RGS9: variants seen among roughly 807,000 people sequenced by gnomAD.
RGS9 encodes the protein regulator of G-protein signalling 9.
In RGS9, 78 loss-of-function variants were observed where a neutral mutation model predicts 102.0. That is an observed-to-expected ratio of 0.76 (90% CI 0.64 to 0.92). RGS9 has a LOEUF of 0.92. RGS9 is among the 40% of genes least tolerant of loss of function. The probability of loss-of-function intolerance (pLI) is 0.00; values close to 1 mark genes in which losing one functional copy is unlikely to be tolerated. For missense variants in RGS9, 833 were observed against 866.1 expected (o/e 0.96, Z 0.48); for synonymous variants, 353 against 318.6 (o/e 1.11, Z -1.15).
intron 13 of RGS9, among the ~76,000 whole-genome samples, chr17:65,201,530 C>A (rs1023054033): frequency 2.4e-4 from 37 of 152,178 alleles, no homozygotes; most frequent in Admixed American, 2.3e-3. Context: ...TGTAGAAAAC[C>A]GTAGCGTAGC....
At chr17:65,146,231 T>C (rs1374295030) in intron 1 of RGS9, among the ~76,000 whole-genome samples, 3 of 152,180 alleles carry the variant, frequency 2.0e-5, no homozygotes, top group Non-Finnish European at 4.4e-5. Context: ...ATAAAAACCA[T>C]TTTGAATGAA....
At chr17:65,156,416 C>G (rs564970447) in intron 2 of RGS9, among the ~76,000 whole-genome samples, 2 of 152,244 alleles carry the variant, frequency 1.3e-5, no homozygotes, top group Admixed American at 6.5e-5. Context: ...TGGGCGAGGT[C>G]GCCCATCCTG....
intron 17 of RGS9, among the ~76,000 whole-genome samples, chr17:65,216,661 A>G (rs541757517): frequency 6.6e-6 from 1 of 152,218 alleles, no homozygotes; most frequent in African/African-American, 2.4e-5. Flanking sequence ...GTCCTTTTTT[A>G]CCTGGATCCT....
chr17:65,142,606 A>G (rs1316278628), intron 1 of RGS9, among the ~76,000 whole-genome samples: 7 of 144,006 alleles, frequency 4.9e-5, no homozygotes, highest in African/African-American at 1.6e-4. Flanking sequence ...TTTTTGAGAC[A>G]GAGCCTGTCT....
chr17:65,176,710 A>T (rs1481619261), intron 8 of RGS9, among the ~76,000 whole-genome samples: 1 of 147,140 alleles, frequency 6.8e-6, no homozygotes, highest in African/African-American at 2.5e-5. Context: ...TACTCACTCA[A>T]CCATCCATCC....
At chr17:65,209,816 G>A (rs758109014) in intron 16 of RGS9, among the ~76,000 whole-genome samples, 11 of 152,248 alleles carry the variant, frequency 7.2e-5, no homozygotes, top group South Asian at 2.1e-4. Context: ...AGTGACTCAC[G>A]CCTGTAATCC....
intron 2 of RGS9, among the ~76,000 whole-genome samples, chr17:65,156,242 C>T (rs556606159): frequency 2.0e-5 from 3 of 152,282 alleles, no homozygotes; most frequent in African/African-American, 4.8e-5. Flanking sequence ...AGGCTGATCT[C>T]GAACTCCTGA....
intron 17 of RGS9, among the ~76,000 whole-genome samples, chr17:65,216,398 G>GGGAGGC (rs1913523724): frequency 6.6e-6 from 1 of 152,194 alleles, no homozygotes; most frequent in Non-Finnish European, 1.5e-5. Context: ...CCAGCACTTT[G>GGGAGGC]GGAGGCGGAG....
intron 18 of RGS9, among the ~76,000 whole-genome samples, chr17:65,226,903 C>T (rs1437002146): frequency 6.6e-6 from 1 of 152,204 alleles, no homozygotes; most frequent in East Asian, 1.9e-4. Context: ...GCATGAGCCA[C>T]AGTGCCCAGC....
intron 17 of RGS9, among the ~76,000 whole-genome samples, chr17:65,215,489 GTTCT>G (rs1453846214): frequency 4.8e-4 from 56 of 116,182 alleles, no homozygotes; most frequent in African/African-American, 1.7e-3. Context: ...TCTTTCTTTC[GTTCT>G]TTCGTTCTTT....
At chr17:65,153,352 A>G (rs1910652240) in intron 1 of RGS9, 70 bp from the exon 2 acceptor site, 4 of 1,284,314 alleles carry the variant, frequency 3.1e-6, no homozygotes, top group African/African-American at 1.5e-5. Context: ...CTCTCAGTGC[A>G]GTGGAAATTG....
intron 6 of RGS9, among the ~76,000 whole-genome samples, chr17:65,162,224 C>G (rs1460341164): frequency 6.6e-6 from 1 of 151,780 alleles, no homozygotes; most frequent in African/African-American, 2.4e-5. Flanking sequence ...GACCCTATCT[C>G]TACAAAAGAT....
chr17:65,160,787 T>G, intron 5 of RGS9, 64 bp from the exon 6 acceptor site: 1 of 1,531,354 alleles, frequency 6.5e-7, no homozygotes, highest in Non-Finnish European at 9.1e-7. Context: ...GCCTCAGGCT[T>G]AGGGAGGCTG....
chr17:65,145,820 T>G (rs1408711100), intron 1 of RGS9, among the ~76,000 whole-genome samples: 5 of 152,138 alleles, frequency 3.3e-5, no homozygotes, highest in African/African-American at 1.2e-4. Context: ...GTTCTGTGGT[T>G]TCCTGGGGAG....
rs185058019 is a variant in RGS9, at chr17:65,149,293, A to G, written c.58-4129A>G. On this transcript the variant is annotated intron_variant, in intron 1 of 18. Coordinates refer to ENST00000262406, the MANE Select transcript of RGS9 (RefSeq NM_003835.4). ...CGGGCCTGATGCTATTGCAAGTTCTATTTTACAGATAAATGAGTCCTAGTG... is the reference window on the plus strand; with the variant it reads ...CGGGCCTGATGCTATTGCAAGTTCTGTTTTACAGATAAATGAGTCCTAGTG... Among the ~76,000 whole-genome samples, 1,019 of 152,238 alleles carry G rather than the reference A, an allele frequency of 6.7e-3. 33 individuals carry two copies. Among genetic ancestry groups the G allele is most frequent in the Admixed American group, 0.058 (891 of 15,284 alleles).
At chr17:65,218,389 C>T (rs896668678) in intron 17 of RGS9, among the ~76,000 whole-genome samples, 1 of 152,332 alleles carries the variant, frequency 6.6e-6, no homozygotes, top group South Asian at 2.1e-4. Context: ...TTAAACATCG[C>T]TAAATGAACA....
chr17:65,162,746 G>A (rs868476394), intron 6 of RGS9, among the ~76,000 whole-genome samples: 1 of 152,148 alleles, frequency 6.6e-6, no homozygotes, highest in Admixed American at 6.6e-5. Context: ...TGGGATTACA[G>A]GTGTGAGCCA....
chr17:65,188,041 C>T (rs2144059010), intron 9 of RGS9, among the ~76,000 whole-genome samples: 1 of 152,242 alleles, frequency 6.6e-6, no homozygotes, highest in East Asian at 1.9e-4. Flanking sequence ...AGAGGCTCCT[C>T]TTGAAGTATA....
At position 65,137,449 on chromosome 17, in the gene RGS9, G is replaced by A. The variant is rs1909949015; in HGVS notation, c.-92G>A. On this transcript the variant is annotated 5_prime_UTR_variant, in exon 1 of 19. Transcript: ENST00000262406. Reference sequence around the variant, plus strand: ...AGCCGCCTCCCCGTCGACGCCCAGGGCTGGGGCGAGCCAGGCTGCCTTTCG... The same window carrying A: ...AGCCGCCTCCCCGTCGACGCCCAGGACTGGGGCGAGCCAGGCTGCCTTTCG... 2 of 1,356,256 alleles carry A rather than the reference G, an allele frequency of 1.5e-6. No individual in the cohort carries two copies. The highest frequency in any genetic ancestry group is 2.1e-6 in the Non-Finnish European group (2 of 958,450). 84.0% of individuals were successfully genotyped at this position (1,356,256 alleles called of 1,614,324 possible).
Sources: allele counts gnomAD v4.1 joint callset (sites outside exome capture counted in the v4.1 genomes callset), GRCh38; gene constraint gnomAD v4.1.1; transcripts MANE v1.5; gene names NCBI Gene and HGNC (gene_info 2026-07-23, HGNC 2026-07-21).